Variants in LRRC4C observed in about 807,000 individuals in gnomAD.
The protein encoded by LRRC4C is leucine rich repeat containing 4C, also known as leucine-rich repeat-containing protein 4C.
LRRC4C carries 5 observed loss-of-function variants against 33.6 expected under a neutral mutation model. That is an observed-to-expected ratio of 0.15 (90% CI 0.08 to 0.31). LRRC4C has a LOEUF of 0.31. Among genes scored for constraint, LRRC4C ranks in the 10% least tolerant of loss-of-function variants. The pLI, the probability that LRRC4C is intolerant of heterozygous loss-of-function variation, is 1.00. For synonymous variants in LRRC4C, 329 were observed against 302.0 expected (o/e 1.09, Z -0.93); for missense variants, 560 against 796.7 (o/e 0.70, Z 3.58).
chr11:40,656,354 CAT>C (rs925447338), intron 2 of LRRC4C, among the ~76,000 whole-genome samples: 4 of 151,358 alleles, frequency 2.6e-5, no homozygotes, highest in Non-Finnish European at 5.9e-5. Context: ...AATATATGGC[CAT>C]ATATACTGAG....
chr11:40,617,048 C>T (rs1371413124), intron 3 of LRRC4C, among the ~76,000 whole-genome samples: 1 of 151,700 alleles, frequency 6.6e-6, no homozygotes, highest in African/African-American at 2.4e-5. Flanking sequence ...TCCCCATTAC[C>T]ATGGGCTTCA....
intron 1 of LRRC4C, among the ~76,000 whole-genome samples, chr11:41,115,301 G>C (rs933365461): frequency 6.6e-6 from 1 of 151,786 alleles, no homozygotes; most frequent in African/African-American, 2.4e-5. Flanking sequence ...CAAATGACTT[G>C]CTAAGTAGCT....
chr11:41,309,485 T>C (rs1950591054), intron 1 of LRRC4C, among the ~76,000 whole-genome samples: 2 of 152,168 alleles, frequency 1.3e-5, no homozygotes, highest in Middle Eastern at 3.4e-3. Flanking sequence ...GAAACAGGGG[T>C]TATACCCAGA....
intron 3 of LRRC4C, among the ~76,000 whole-genome samples, chr11:40,387,135 CT>C (rs534273531): frequency 1.3e-4 from 20 of 151,912 alleles, no homozygotes; most frequent in Non-Finnish European, 2.5e-4. Flanking sequence ...AGAATTATTC[CT>C]TTTTTATTCT....
intron 3 of LRRC4C, among the ~76,000 whole-genome samples, chr11:40,373,544 C>T (rs1336113278): frequency 2.0e-5 from 3 of 151,702 alleles, no homozygotes; most frequent in Admixed American, 6.6e-5. Flanking sequence ...TCCAAATAAC[C>T]AATAAATGTA....
At chr11:40,576,875 C>T (rs1407740710) in intron 3 of LRRC4C, among the ~76,000 whole-genome samples, 1 of 152,088 alleles carries the variant, frequency 6.6e-6, no homozygotes, top group Non-Finnish European at 1.5e-5. Flanking sequence ...ATAGTATGCG[C>T]TCATTAAATG....
intron 6 of LRRC4C, among the ~76,000 whole-genome samples, chr11:40,121,921 C>T (rs2134668564): frequency 6.6e-6 from 1 of 152,284 alleles, no homozygotes; most frequent in South Asian, 2.1e-4. Flanking sequence ...ACTGCTTACC[C>T]CTGGACCCTA....
chr11:41,252,885 GAAC>G (rs1174541200), intron 1 of LRRC4C, among the ~76,000 whole-genome samples: 9 of 152,024 alleles, frequency 5.9e-5, no homozygotes, highest in African/African-American at 2.2e-4. Flanking sequence ...ACTACCACAA[GAAC>G]AGCACGTGAA....
At chr11:41,164,197 T>A (rs1485305006) in intron 1 of LRRC4C, among the ~76,000 whole-genome samples, 2 of 151,286 alleles carry the variant, frequency 1.3e-5, no homozygotes, top group African/African-American at 2.4e-5. Context: ...TTTTATTTTT[T>A]TTTTTTTTAC....
chr11:40,513,248 C>CAAA (rs1171178910), intron 3 of LRRC4C, among the ~76,000 whole-genome samples: 1,945 of 54,940 alleles, frequency 0.035, 138 homozygotes, highest in African/African-American at 0.11. Context: ...GACTCCGTCT[C>CAAA]AAAAAAAAAA....
At chr11:40,692,107 A>G (rs1458043604) in intron 2 of LRRC4C, among the ~76,000 whole-genome samples, 1 of 152,092 alleles carries the variant, frequency 6.6e-6, no homozygotes, top group East Asian at 1.9e-4. Flanking sequence ...CCCATCTCAT[A>G]AACCAGAAAT....
At chr11:40,621,206 C>T (rs1351029005) in intron 3 of LRRC4C, among the ~76,000 whole-genome samples, 1 of 151,722 alleles carries the variant, frequency 6.6e-6, no homozygotes, top group Admixed American at 6.6e-5. Context: ...CTTCTTAATA[C>T]ACAAATCTGA....
chr11:41,116,065 C>T (rs1343481725), intron 1 of LRRC4C, among the ~76,000 whole-genome samples: 1 of 152,092 alleles, frequency 6.6e-6, no homozygotes, highest in African/African-American at 2.4e-5. Flanking sequence ...CTTTTCATGT[C>T]TTTAAGCTAC....
chr11:40,616,479 T>C (rs1961846104), intron 3 of LRRC4C, among the ~76,000 whole-genome samples: 1 of 151,738 alleles, frequency 6.6e-6, no homozygotes, highest in Non-Finnish European at 1.5e-5. Flanking sequence ...ATTGCGGCAC[T>C]ATTCACAATA....
intron 2 of LRRC4C, among the ~76,000 whole-genome samples, chr11:40,755,800 A>G (rs567226028): frequency 5.5e-4 from 83 of 152,260 alleles, no homozygotes; most frequent in African/African-American, 1.9e-3. Flanking sequence ...TTTGGCAGCA[A>G]TAAGGCAAAA....
intron 3 of LRRC4C, among the ~76,000 whole-genome samples, chr11:40,615,615 T>C (rs964064903): frequency 6.6e-6 from 1 of 151,716 alleles, no homozygotes; most frequent in Non-Finnish European, 1.5e-5. Flanking sequence ...CAGCATTAAA[T>C]AAATGTACTA....
At chr11:40,282,592 A>T (rs1455413407) in intron 4 of LRRC4C, among the ~76,000 whole-genome samples, 1 of 152,170 alleles carries the variant, frequency 6.6e-6, no homozygotes, top group East Asian at 1.9e-4. Context: ...TAAACTGGAA[A>T]TAATCTAAAA....
chr11:40,506,475 G>A (rs1391103915), intron 3 of LRRC4C, among the ~76,000 whole-genome samples: 1 of 152,096 alleles, frequency 6.6e-6, no homozygotes, highest in Non-Finnish European at 1.5e-5. Context: ...AGGTACTAAT[G>A]AATAAAACTG....
At chr11:40,893,818 AACACACACAC>A (rs55810825) in intron 2 of LRRC4C, among the ~76,000 whole-genome samples, 4 of 69,940 alleles carry the variant, frequency 5.7e-5, no homozygotes, top group African/African-American at 1.1e-4. Flanking sequence ...TACGTATTAT[AACACACACAC>A]ACACACACAC....
Sources: allele counts gnomAD v4.1 joint callset (sites outside exome capture counted in the v4.1 genomes callset), GRCh38; gene constraint gnomAD v4.1.1; transcripts MANE v1.5; gene names NCBI Gene and HGNC (gene_info 2026-07-23, HGNC 2026-07-21).